CDH18: variants seen among roughly 807,000 people sequenced by gnomAD.
CDH18 encodes the protein cadherin-18.
A neutral mutation model predicts 67.9 loss-of-function variants in CDH18; 31 were observed. That is an observed-to-expected ratio of 0.46 (90% CI 0.34 to 0.62). CDH18 has a LOEUF of 0.62. Among genes scored for constraint, CDH18 ranks in the 20% least tolerant of loss-of-function variants. The pLI, the probability that CDH18 is intolerant of heterozygous loss-of-function variation, is 0.01. For synonymous variants in CDH18, 362 were observed against 347.2 expected (o/e 1.04, Z -0.48); for missense variants, 890 against 975.5 (o/e 0.91, Z 1.17).
At chr5:20,313,436 T>G (rs999127138) in intron 1 of CDH18, among the ~76,000 whole-genome samples, 1 of 152,116 alleles carries the variant, frequency 6.6e-6, no homozygotes, top group Non-Finnish European at 1.5e-5. Context: ...AACATCTTTA[T>G]TGTTTATGTT....
At chr5:19,922,938 T>C (rs1440574635) in intron 2 of CDH18, among the ~76,000 whole-genome samples, 1 of 152,170 alleles carries the variant, frequency 6.6e-6, no homozygotes, top group Non-Finnish European at 1.5e-5. Flanking sequence ...TCCTCTCAAA[T>C]ATCCTTTTTA....
chr5:20,045,533 A>G (rs1243332152), intron 2 of CDH18, among the ~76,000 whole-genome samples: 1 of 152,078 alleles, frequency 6.6e-6, no homozygotes, highest in East Asian at 1.9e-4. Context: ...AGATGTAGTC[A>G]TTACATATTT....
intron 2 of CDH18, among the ~76,000 whole-genome samples, chr5:20,192,588 C>A (rs1028926532): frequency 6.6e-6 from 1 of 152,110 alleles, no homozygotes; most frequent in African/African-American, 2.4e-5. Context: ...GTTTTCCCAG[C>A]ATCACTTAAT....
chr5:20,304,164 G>T, intron 1 of CDH18: 1 of 1,539,040 alleles, frequency 6.5e-7, no homozygotes, highest in Non-Finnish European at 9.0e-7. Context: ...GGTGGATTTG[G>T]AACACAGACA....
At chr5:20,425,371 A>C (rs1398036153) in intron 1 of CDH18, among the ~76,000 whole-genome samples, 1 of 150,958 alleles carries the variant, frequency 6.6e-6, no homozygotes, top group African/African-American at 2.5e-5. Flanking sequence ...ACTCTGTCTC[A>C]AAAAAATAAA....
chr5:20,163,344 A>G (rs540854708), intron 2 of CDH18, among the ~76,000 whole-genome samples: 42 of 152,284 alleles, frequency 2.8e-4, no homozygotes, highest in Non-Finnish European at 4.7e-4. Flanking sequence ...TTCTAAAAAA[A>G]GTATCATTTC....
At chr5:20,084,229 C>T (rs576749330) in intron 2 of CDH18, among the ~76,000 whole-genome samples, 89 of 152,274 alleles carry the variant, frequency 5.8e-4, no homozygotes, top group African/African-American at 1.3e-3. Flanking sequence ...AACAAAGGGG[C>T]TACAGGTCCC....
intron 2 of CDH18, among the ~76,000 whole-genome samples, chr5:20,026,416 C>G (rs1426461739): frequency 6.6e-6 from 1 of 152,168 alleles, no homozygotes; most frequent in Non-Finnish European, 1.5e-5. Flanking sequence ...GCCAAACCTA[C>G]AAACTTTATT....
At chr5:20,047,813 TA>T (rs1243094640) in intron 2 of CDH18, among the ~76,000 whole-genome samples, 1 of 151,816 alleles carries the variant, frequency 6.6e-6, no homozygotes, top group Non-Finnish European at 1.5e-5. Context: ...AGAGTTTTAT[TA>T]AGTCTTTGAT....
chr5:19,587,839 T>A (rs1219231425), intron 7 of CDH18, among the ~76,000 whole-genome samples: 1 of 152,116 alleles, frequency 6.6e-6, no homozygotes, highest in Admixed American at 6.6e-5. Flanking sequence ...TTAATGATAG[T>A]TTCATGGAAA....
At chr5:19,891,859 T>G (rs1195031129) in intron 2 of CDH18, among the ~76,000 whole-genome samples, 1 of 152,200 alleles carries the variant, frequency 6.6e-6, no homozygotes, top group East Asian at 1.9e-4. Flanking sequence ...TATTTTATGT[T>G]TAAAAGCATT....
intron 1 of CDH18, among the ~76,000 whole-genome samples, chr5:20,381,728 G>A (rs1311307096): frequency 6.6e-6 from 1 of 152,048 alleles, no homozygotes; most frequent in Non-Finnish European, 1.5e-5. Context: ...GTGGCCCTGA[G>A]AGTCAAAAAA....
intron 3 of CDH18, among the ~76,000 whole-genome samples, chr5:19,805,693 CA>C (rs1308110769): frequency 6.6e-6 from 1 of 152,184 alleles, no homozygotes; most frequent in African/African-American, 2.4e-5. Context: ...CAACCACCTT[CA>C]AATAGTCCTG....
chr5:19,840,024 C>A (rs1010952959), intron 2 of CDH18, among the ~76,000 whole-genome samples: 1 of 150,048 alleles, frequency 6.7e-6, no homozygotes, highest in South Asian at 2.1e-4. Context: ...TTTGGGAGGT[C>A]GAGGTGGGCA....
At chr5:20,135,157 G>T (rs2126493793) in intron 2 of CDH18, among the ~76,000 whole-genome samples, 2 of 152,212 alleles carry the variant, frequency 1.3e-5, no homozygotes, top group Middle Eastern at 6.8e-3. Flanking sequence ...TGAATGCTGT[G>T]ACTGCATTTC....
chr5:20,196,132 G>C (rs923080672), intron 2 of CDH18, among the ~76,000 whole-genome samples: 6 of 152,160 alleles, frequency 3.9e-5, no homozygotes, highest in African/African-American at 1.4e-4. Context: ...AAGGCAGGGT[G>C]TTGTTTCTGC....
At chr5:19,836,734 G>A (rs1397329576) in intron 3 of CDH18, among the ~76,000 whole-genome samples, 1 of 152,082 alleles carries the variant, frequency 6.6e-6, no homozygotes, top group Non-Finnish European at 1.5e-5. Flanking sequence ...TAGTCATGAA[G>A]TCTTTGCCCA....
chr5:19,520,885 T>C lies in CDH18; in HGVS notation c.1391-107A>G, dbSNP rs1561257244. On this transcript the variant is annotated intron_variant, in intron 9 of 12. Transcript: ENST00000382275. ...AGCTTGTCACTGGTTCCATATGCCA[T>C]AGCTGGACTTTTGGCAAACGACAAC... 7 of 1,220,208 alleles carry C rather than the reference T, an allele frequency of 5.7e-6. No individual in the cohort carries two copies. The Admixed American group carries it at 7.8e-5, about 14-fold the overall frequency. The allele number at this position is 1,220,208 out of a possible 1,614,324, so 75.6% of individuals were successfully genotyped here.
intron 5 of CDH18, among the ~76,000 whole-genome samples, chr5:19,694,270 T>G (rs188731015): frequency 1.1e-3 from 160 of 152,294 alleles, no homozygotes; most frequent in African/African-American, 3.8e-3. Flanking sequence ...TTAAACTCTG[T>G]TTTGAGCATT....
Sources: gnomAD v4.1 joint callset for allele counts (sites outside exome capture counted in the v4.1 genomes callset) on GRCh38, gnomAD v4.1.1 for gene constraint, MANE v1.5 for transcripts, NCBI Gene and HGNC (gene_info 2026-07-23, HGNC 2026-07-21) for gene names.